Variants in WDR17 observed in about 807,000 individuals in gnomAD.
WDR17 encodes WD repeat-containing protein 17.
A neutral mutation model predicts 161.7 loss-of-function variants in WDR17; 143 were observed. The observed-to-expected ratio is 0.88, with a 90% CI of 0.77 to 1.02. The LOEUF is 1.02. Among genes scored for constraint, WDR17 ranks in the 50% least tolerant of loss-of-function variants. WDR17 has a pLI of 0.00. For missense variants in WDR17, 1,469 were observed against 1,520.9 expected (o/e 0.97, Z 0.57); for synonymous variants, 517 against 515.6 (o/e 1.00, Z -0.04).
At chr4:176,113,899 T>C (rs1037183161) in intron 2 of WDR17, among the ~76,000 whole-genome samples, 1 of 152,032 alleles carries the variant, frequency 6.6e-6, no homozygotes, top group African/African-American at 2.4e-5. Flanking sequence ...AGTAGAGTAA[T>C]TTATGGTCAA....
chr4:176,130,608 G>A (rs995517358), intron 6 of WDR17, among the ~76,000 whole-genome samples: 17 of 151,984 alleles, frequency 1.1e-4, no homozygotes, highest in Admixed American at 9.8e-4. Context: ...AGCCGGGCGT[G>A]GTGGCAGGAG....
chr4:176,080,239 T>C (rs764937358), intron 1 of WDR17, among the ~76,000 whole-genome samples: 1 of 151,666 alleles, frequency 6.6e-6, no homozygotes, highest in Non-Finnish European at 1.5e-5. Context: ...CTATTTAAAA[T>C]CCATGTGGGG....
At chr4:176,150,727 C>T (rs549523408) in intron 16 of WDR17, 134 bp downstream of exon 16, 3 of 870,960 alleles carry the variant, frequency 3.4e-6, no homozygotes, top group Admixed American at 7.6e-5. Flanking sequence ...GGAGATCCAT[C>T]TTGGGTAAAA....
intron 1 of WDR17, among the ~76,000 whole-genome samples, chr4:176,089,264 C>T (rs1439769576): frequency 6.6e-6 from 1 of 152,120 alleles, no homozygotes; most frequent in Admixed American, 6.5e-5. Flanking sequence ...TCTGTTCCCC[C>T]TCCCCAAAAC....
At position 176,111,678 on chromosome 4, in the gene WDR17, C is replaced by A; in HGVS notation, c.98C>A (p.Ala33Glu). 1 of 1,601,286 alleles carries A rather than the reference C, an allele frequency of 6.2e-7. No individual in the cohort carries two copies. Residue 33 changes from alanine (A) to glutamate (E), a missense_variant, in exon 2 of 29, where the codon GCG becomes GAG. Ala to Glu is a moderately radical substitution (Grantham distance 107). Transcript: ENST00000508596. Reference sequence around the variant, plus strand: ...AGTGGAGACAGGTTTGCATATTGTGCGACCCTGGCTATCTATATTTATCAG... The same window carrying A: ...AGTGGAGACAGGTTTGCATATTGTGAGACCCTGGCTATCTATATTTATCAG... Reference protein sequence around the residue: ...AASGDRFAYCATLAIYIYQLD... With the variant: ...AASGDRFAYCETLAIYIYQLD...
chr4:176,101,183 C>T (rs1266530545), intron 1 of WDR17, among the ~76,000 whole-genome samples: 1 of 152,076 alleles, frequency 6.6e-6, no homozygotes, highest in Admixed American at 6.6e-5. Context: ...AGAGCCTTAC[C>T]TACCTGGGAG....
chr4:176,131,617 C>CA lies in WDR17; in HGVS notation c.979dup (p.Thr327AsnfsTer28). 6.2e-7 allele frequency: 1 copy of CA among 1,613,558 alleles called. No individual in the cohort carries two copies. Among genetic ancestry groups the CA allele is most frequent in the South Asian group, 1.1e-5 (1 of 91,026 alleles). On this transcript the variant is annotated frameshift_variant, in exon 7 of 29. Coordinates refer to ENST00000508596, the MANE Select transcript of WDR17 (RefSeq NM_181265.4). LOFTEE classifies it high-confidence loss of function. Reference sequence around the variant, plus strand: ...TCAACAAGCGAAGCAGTTCCACCCCCAACTTTAACACAGAATCAAGCATTT... The same window carrying CA: ...TCAACAAGCGAAGCAGTTCCACCCCCAAACTTTAACACAGAATCAAGCATTT...
In WDR17 at chr4:176,119,849, G is replaced by GCTGTA; in HGVS notation, c.308-18_308-17insCTGTA. ...TATGCTGTATCTTTATTATGTATCT[G>GCTGTA]TATTTAATGTATTCCAGGGATCCCT... On this transcript the variant is annotated splice_polypyrimidine_tract_variant and intron_variant, in intron 3 of 28. Coordinates refer to ENST00000508596, the MANE Select transcript of WDR17 (RefSeq NM_181265.4). The GCTGTA allele has an allele frequency of 6.2e-7, 1 of 1,600,488 alleles. No homozygotes were observed. The highest frequency in any genetic ancestry group is 1.1e-5 in the South Asian group (1 of 90,744).
chr4:176,148,356 T>C, intron 13 of WDR17, 21 bp downstream of exon 13: 1 of 1,603,802 alleles, frequency 6.2e-7, no homozygotes, highest in Non-Finnish European at 8.5e-7. Flanking sequence ...TTTCATTCTT[T>C]CATGTATTTG....
At chr4:176,123,210 C>A (rs148652477) in intron 4 of WDR17, among the ~76,000 whole-genome samples, 164 of 152,218 alleles carry the variant, frequency 1.1e-3, no homozygotes, top group African/African-American at 3.9e-3. Context: ...TTGTTGATGA[C>A]ACTCTCTATA....
intron 1 of WDR17, among the ~76,000 whole-genome samples, chr4:176,066,360 A>G (rs1376727944): frequency 2.6e-5 from 4 of 152,178 alleles, no homozygotes; most frequent in Non-Finnish European, 4.4e-5. Flanking sequence ...TTCGAGGGAC[A>G]TTGTTTTATT....
At chr4:176,068,986 C>T (rs1258042686) in intron 1 of WDR17, among the ~76,000 whole-genome samples, 1 of 152,070 alleles carries the variant, frequency 6.6e-6, no homozygotes, top group East Asian at 1.9e-4. Context: ...AAATGATCAG[C>T]TTTGTATAGT....
chr4:176,077,682 A>G (rs915122578), intron 1 of WDR17, among the ~76,000 whole-genome samples: 1 of 152,120 alleles, frequency 6.6e-6, no homozygotes, highest in Non-Finnish European at 1.5e-5. Context: ...TTAAAAAAAA[A>G]TCTAAGGATA....
intron 23 of WDR17, among the ~76,000 whole-genome samples, chr4:176,171,782 T>A: frequency 6.6e-6 from 1 of 151,648 alleles, no homozygotes; most frequent in East Asian, 1.9e-4. Flanking sequence ...GATTTTTTTT[T>A]AATGAGGAAT....
At chr4:176,179,109 C>A (rs1751872030) in intron 28 of WDR17, among the ~76,000 whole-genome samples, 1 of 152,118 alleles carries the variant, frequency 6.6e-6, no homozygotes, top group East Asian at 1.9e-4. Context: ...TATATTTAAG[C>A]CTATTACTAG....
intron 5 of WDR17, among the ~76,000 whole-genome samples, 197 bp downstream of exon 5, chr4:176,125,552 G>T (rs1742319772): frequency 6.6e-6 from 1 of 152,084 alleles, no homozygotes; most frequent in Admixed American, 6.6e-5. Flanking sequence ...AAATAAAAAT[G>T]AAAAATAAGG....
chr4:176,178,212 A>C (rs1489424564), intron 28 of WDR17, among the ~76,000 whole-genome samples: 1 of 152,152 alleles, frequency 6.6e-6, no homozygotes, highest in Non-Finnish European at 1.5e-5. Context: ...ACTGTAGCTT[A>C]GCTTGCCACT....
At chr4:176,069,350 A>G (rs1391859595) in intron 1 of WDR17, among the ~76,000 whole-genome samples, 1 of 152,078 alleles carries the variant, frequency 6.6e-6, no homozygotes, top group Non-Finnish European at 1.5e-5. Context: ...CTGTAATTCT[A>G]CATTCTAATT....
chr4:176,152,963 A>G (rs549691900), intron 17 of WDR17, among the ~76,000 whole-genome samples: 1 of 151,678 alleles, frequency 6.6e-6, no homozygotes, highest in African/African-American at 2.4e-5. Context: ...TTATTTTTTT[A>G]CAGATCTAAT....
Sources: allele counts gnomAD v4.1 joint callset (sites outside exome capture counted in the v4.1 genomes callset), GRCh38; gene constraint gnomAD v4.1.1; transcripts MANE v1.5; gene names NCBI Gene and HGNC (gene_info 2026-07-23, HGNC 2026-07-21).